PRKN: variants seen among roughly 807,000 people sequenced by gnomAD.
PRKN encodes the protein parkin RBR E3 ubiquitin protein ligase.
In PRKN, 56 loss-of-function variants were observed where a neutral mutation model predicts 59.5. The ratio of observed to expected loss-of-function variants is 0.94; its 90% CI spans 0.76 to 1.18. The LOEUF is 1.18. Ranked by LOEUF, PRKN falls within the 50% of genes most tolerant of loss-of-function variation. The pLI, the probability that PRKN is intolerant of heterozygous loss-of-function variation, is 0.00. For synonymous variants in PRKN, 250 were observed against 222.1 expected (o/e 1.13, Z -1.12); for missense variants, 657 against 596.4 (o/e 1.10, Z -1.06).
At chr6:162,107,665 G>C (rs1158428561) in intron 4 of PRKN, among the ~76,000 whole-genome samples, 1 of 152,138 alleles carries the variant, frequency 6.6e-6, no homozygotes, top group South Asian at 2.1e-4. Flanking sequence ...TATCACTAGG[G>C]TGTCTCCTCA....
rs185428122 is a variant in PRKN at position 161,580,700 on chromosome 6, A to C, written c.872-11284T>G. ...CACCGTGTTAGGACAGGATGGTCTAAATTTCTTGATCTCATGATCCACCCG... is the reference window on the plus strand; with the variant it reads ...CACCGTGTTAGGACAGGATGGTCTACATTTCTTGATCTCATGATCCACCCG... On this transcript the variant is annotated intron_variant, in intron 7 of 11. Coordinates refer to ENST00000366898, the MANE Select transcript of PRKN (RefSeq NM_004562.3). 2.9e-3 allele frequency among the ~76,000 whole-genome samples: 445 copies of C among 151,854 alleles called. 4 individuals carry two copies. Among genetic ancestry groups the C allele is most frequent in the African/African-American group, 0.01 (426 of 41,398 alleles).
At chr6:162,442,598 G>A (rs1021417538) in intron 2 of PRKN, among the ~76,000 whole-genome samples, 3 of 152,150 alleles carry the variant, frequency 2.0e-5, no homozygotes, top group African/African-American at 7.2e-5. Flanking sequence ...GGGCTTTCAT[G>A]GGGCTAGGAG....
At chr6:162,579,735 AACAC>A (rs1309650572) in intron 1 of PRKN, among the ~76,000 whole-genome samples, 1 of 151,942 alleles carries the variant, frequency 6.6e-6, no homozygotes, top group Non-Finnish European at 1.5e-5. Flanking sequence ...CACAGATTGA[AACAC>A]ACACATTCAC....
In PRKN at chr6:162,465,110, A is replaced by T. The variant is rs116459288; in HGVS notation, c.8-21637T>A. On this transcript the variant is annotated intron_variant, in intron 1 of 11. Transcript: ENST00000366898. ...AACTTCAACAATCATGTCAACATTT[A>T]AGCTCGTTCCCAATTAACCAGTCTT... Among the ~76,000 whole-genome samples, 1,229 of 152,256 alleles carry T rather than the reference A, an allele frequency of 8.1e-3. 19 individuals are homozygous for T. Among genetic ancestry groups the T allele is most frequent in the African/African-American group, 0.028 (1,169 of 41,536 alleles).
At chr6:162,424,300 A>T (rs1443878560) in intron 2 of PRKN, among the ~76,000 whole-genome samples, 3 of 152,140 alleles carry the variant, frequency 2.0e-5, no homozygotes, top group Non-Finnish European at 2.9e-5. Context: ...CAGTGAAAAG[A>T]CTGCACAATC....
intron 4 of PRKN, among the ~76,000 whole-genome samples, chr6:162,166,476 A>G (rs930082836): frequency 6.6e-6 from 1 of 152,180 alleles, no homozygotes; most frequent in African/African-American, 2.4e-5. Flanking sequence ...CTGTACCACT[A>G]TATCTTTGCC....
intron 5 of PRKN, among the ~76,000 whole-genome samples, chr6:162,046,797 T>TG (rs1784266961): frequency 6.6e-6 from 1 of 152,100 alleles, no homozygotes; most frequent in African/African-American, 2.4e-5. Context: ...CTTTTTTCCA[T>TG]GGGAAACTAA....
chr6:162,319,785 C>T (rs1160132655), intron 2 of PRKN, among the ~76,000 whole-genome samples: 2 of 151,938 alleles, frequency 1.3e-5, no homozygotes, highest in South Asian at 2.1e-4. Flanking sequence ...ATTGTAAATA[C>T]ATAATACATA....
chr6:161,477,246 G>A (rs540728538), intron 9 of PRKN, among the ~76,000 whole-genome samples: 276 of 152,272 alleles, frequency 1.8e-3, no homozygotes, highest in African/African-American at 6.4e-3. Context: ...GGCCAGGCGC[G>A]GTGGCTCACG....
At chr6:161,375,381 G>A (rs1217572084) in intron 10 of PRKN, among the ~76,000 whole-genome samples, 1 of 152,168 alleles carries the variant, frequency 6.6e-6, no homozygotes, top group African/African-American at 2.4e-5. Context: ...AGGGGCAGGC[G>A]TGTGGTGTCA....
At chr6:162,146,317 C>T (rs1423189520) in intron 4 of PRKN, among the ~76,000 whole-genome samples, 1 of 151,988 alleles carries the variant, frequency 6.6e-6, no homozygotes, top group African/African-American at 2.4e-5. Flanking sequence ...TAATCTTTTG[C>T]ATTTTTGGGG....
At chr6:161,975,322 T>TCTGC (rs747219671) in intron 5 of PRKN, among the ~76,000 whole-genome samples, 172 of 152,270 alleles carry the variant, frequency 1.1e-3, no homozygotes, top group Non-Finnish European at 2.2e-3. Context: ...GACCTCGTGA[T>TCTGC]CTGCCTGCCT....
At chr6:162,062,093 C>T (rs536585001) in intron 4 of PRKN, among the ~76,000 whole-genome samples, 2 of 152,156 alleles carry the variant, frequency 1.3e-5, no homozygotes, top group South Asian at 2.1e-4. Context: ...GAAAATATAT[C>T]CACACAGAAT....
chr6:161,916,210 A>G (rs145896623), intron 6 of PRKN, among the ~76,000 whole-genome samples: 2 of 152,348 alleles, frequency 1.3e-5, no homozygotes, highest in Admixed American at 1.3e-4. Flanking sequence ...CCTTATGAAG[A>G]CATAAGATAC....
intron 3 of PRKN, among the ~76,000 whole-genome samples, chr6:162,212,017 C>A (rs190295891): frequency 6.6e-6 from 1 of 152,016 alleles, no homozygotes; most frequent in Non-Finnish European, 1.5e-5. Context: ...CTATGAATTA[C>A]ATATTGTTCT....
At chr6:162,350,100 C>A (rs1358465359) in intron 2 of PRKN, among the ~76,000 whole-genome samples, 7 of 152,080 alleles carry the variant, frequency 4.6e-5, no homozygotes, top group Middle Eastern at 3.4e-3. Context: ...TTTACCACAT[C>A]ATTTAAAAAA....
intron 4 of PRKN, among the ~76,000 whole-genome samples, chr6:162,138,866 C>CA (rs1310582486): frequency 6.6e-6 from 1 of 152,106 alleles, no homozygotes; most frequent in East Asian, 1.9e-4. Flanking sequence ...AAAATAGGGC[C>CA]AGAGTATCAG....
At chr6:162,038,778 TGATA>T (rs1211479923) in intron 5 of PRKN, among the ~76,000 whole-genome samples, 1 of 152,182 alleles carries the variant, frequency 6.6e-6, no homozygotes, top group African/African-American at 2.4e-5. Context: ...GGATCACATT[TGATA>T]GATATATAAC....
chr6:161,838,957 C>A (rs547953671), intron 6 of PRKN, among the ~76,000 whole-genome samples: 6 of 152,276 alleles, frequency 3.9e-5, no homozygotes, highest in African/African-American at 1.4e-4. Context: ...ACAAGCCCCA[C>A]CCAGGAGCCA....
Sources: allele counts gnomAD v4.1 joint callset (sites outside exome capture counted in the v4.1 genomes callset), GRCh38; gene constraint gnomAD v4.1.1; transcripts MANE v1.5; gene names NCBI Gene and HGNC (gene_info 2026-07-23, HGNC 2026-07-21).